The following SLCO4C1 variants were observed in gnomAD, a reference collection of about 807,000 sequenced individuals.
SLCO4C1 encodes the protein organic anion transporter M1.
A neutral mutation model predicts 72.1 loss-of-function variants in SLCO4C1; 58 were observed. The ratio of observed to expected loss-of-function variants is 0.80; its 90% CI spans 0.65 to 1.00. SLCO4C1 has a LOEUF of 1.00. Ranked by LOEUF, SLCO4C1 falls within the 50% of genes least tolerant of loss-of-function variation. SLCO4C1 has a pLI of 0.00. For synonymous variants in SLCO4C1, 297 were observed against 312.5 expected (o/e 0.95, Z 0.52); for missense variants, 898 against 857.9 (o/e 1.05, Z -0.58).
intron 7 of SLCO4C1, 113 bp downstream of exon 7, chr5:102,257,830 G>T: frequency 1.0e-6 from 1 of 965,584 alleles, no homozygotes; most frequent in Non-Finnish European, 1.5e-6. Context: ...ATGTTGGCCG[G>T]GCTGGTTTTA....
intron 2 of SLCO4C1, among the ~76,000 whole-genome samples, chr5:102,273,248 G>C (rs1749186928): frequency 6.6e-6 from 1 of 151,458 alleles, no homozygotes; most frequent in African/African-American, 2.4e-5. Context: ...ATCAAACATA[G>C]GTATAATCAA....
chr5:102,236,124 T>TA lies in SLCO4C1; in HGVS notation c.*733dup, dbSNP rs1166272479. 1 of 152,200 alleles carries TA rather than the reference T, an allele frequency of 6.6e-6. No individual in the cohort carries two copies. Among genetic ancestry groups the TA allele is most frequent in the Admixed American group, 6.5e-5 (1 of 15,276 alleles). The allele number at this position is 152,200 out of a possible 1,614,324, so 9.4% of individuals were successfully genotyped here. A position where few individuals can be genotyped will look rare whatever the true frequency, so the allele number is the denominator to read the frequency against. On this transcript the variant is annotated 3_prime_UTR_variant, in exon 13 of 13. Transcript: ENST00000310954. ...TATTATCACAGAATCATAAATGTGT[T>TA]AAAAATTGTAATATCAACAAATTAC...
chr5:102,277,515 T>C (rs1749267434), intron 2 of SLCO4C1, among the ~76,000 whole-genome samples: 1 of 152,164 alleles, frequency 6.6e-6, no homozygotes, highest in African/African-American at 2.4e-5. Context: ...ACTTCTTCTC[T>C]GTGGTGTCAG....
At chr5:102,273,958 C>T (rs899862450) in intron 2 of SLCO4C1, among the ~76,000 whole-genome samples, 1 of 151,990 alleles carries the variant, frequency 6.6e-6, no homozygotes. Context: ...TGGATTCAAC[C>T]AACCACAGAT....
intron 3 of SLCO4C1, among the ~76,000 whole-genome samples, chr5:102,267,632 C>G (rs534532891): frequency 1.2e-5 from 1 of 81,282 alleles, no homozygotes; most frequent in Non-Finnish European, 2.5e-5. Context: ...CTGTTATAGT[C>G]TTTATTATTT....
intron 2 of SLCO4C1, among the ~76,000 whole-genome samples, chr5:102,286,544 A>G (rs1054219584): frequency 1.3e-5 from 2 of 152,154 alleles, no homozygotes; most frequent in African/African-American, 4.8e-5. Context: ...GTCAAAATGA[A>G]TGTCAAATAT....
At chr5:102,266,703 T>C (rs1749047809) in intron 3 of SLCO4C1, among the ~76,000 whole-genome samples, 1 of 152,132 alleles carries the variant, frequency 6.6e-6, no homozygotes, top group African/African-American at 2.4e-5. Flanking sequence ...TTTCTTGTGC[T>C]TCAGTTCTTA....
chr5:102,239,223 C>A (rs746402640), intron 12 of SLCO4C1, 28 bp downstream of exon 12: 3 of 1,517,050 alleles, frequency 2.0e-6, no homozygotes, highest in Non-Finnish European at 2.6e-6. Flanking sequence ...TTAGTTTACT[C>A]TAAAATTATC....
At chr5:102,277,808 A>G (rs1208013091) in intron 2 of SLCO4C1, among the ~76,000 whole-genome samples, 1 of 152,076 alleles carries the variant, frequency 6.6e-6, no homozygotes. Flanking sequence ...CTATACTTAC[A>G]TACATGTAAT....
chr5:102,265,410 G>T (rs973407796), intron 3 of SLCO4C1, among the ~76,000 whole-genome samples: 2 of 152,112 alleles, frequency 1.3e-5, no homozygotes, highest in African/African-American at 4.8e-5. Flanking sequence ...ATGTACTAAA[G>T]TGTTTCCCCT....
chr5:102,254,355 G>C (rs1047594400), intron 8 of SLCO4C1, among the ~76,000 whole-genome samples: 1 of 152,072 alleles, frequency 6.6e-6, no homozygotes, highest in South Asian at 2.1e-4. Flanking sequence ...CAGAGTACAC[G>C]ATCAGTTTAT....
chr5:102,249,516 C>A, intron 9 of SLCO4C1, 122 bp downstream of exon 9: 2 of 924,856 alleles, frequency 2.2e-6, no homozygotes, highest in South Asian at 1.5e-5. Flanking sequence ...ACATCATGGG[C>A]TGCTTAACGG....
chr5:102,284,680 T>G (rs1206577503), intron 2 of SLCO4C1, among the ~76,000 whole-genome samples: 1 of 152,118 alleles, frequency 6.6e-6, no homozygotes, highest in African/African-American at 2.4e-5. Context: ...ATTTTTAACA[T>G]ATTCCTAATG....
At chr5:102,295,791 T>A in intron 1 of SLCO4C1, 117 bp downstream of exon 1, 8 of 1,057,706 alleles carry the variant, frequency 7.6e-6, no homozygotes. Context: ...CGGGGCCACC[T>A]TGCAGGGCGC....
chr5:102,246,225 T>C (rs1368754126), intron 10 of SLCO4C1, among the ~76,000 whole-genome samples: 1 of 151,586 alleles, frequency 6.6e-6, no homozygotes, highest in East Asian at 1.9e-4. Context: ...ATACCAATGA[T>C]CAATGAAAAA....
intron 8 of SLCO4C1, among the ~76,000 whole-genome samples, chr5:102,250,707 AG>A: frequency 6.6e-6 from 1 of 152,118 alleles, no homozygotes; most frequent in Non-Finnish European, 1.5e-5. Context: ...AATGAGTAAG[AG>A]GCTGGTGCGG....
chr5:102,254,402 A>G (rs1233282005), intron 8 of SLCO4C1, among the ~76,000 whole-genome samples: 1 of 152,176 alleles, frequency 6.6e-6, no homozygotes, highest in Non-Finnish European at 1.5e-5. Context: ...CAAAATTTCA[A>G]ACTTTTTCAT....
chr5:102,262,450 T>C (rs1748960157), intron 4 of SLCO4C1, among the ~76,000 whole-genome samples: 1 of 152,120 alleles, frequency 6.6e-6, no homozygotes, highest in African/African-American at 2.4e-5. Flanking sequence ...TAATGTAAAA[T>C]TAGTCTTAAA....
intron 2 of SLCO4C1, among the ~76,000 whole-genome samples, chr5:102,285,212 T>TACAC (rs3070619): frequency 0.35 from 51,464 of 147,608 alleles, 9,064 homozygotes; most frequent in East Asian, 0.54. Flanking sequence ...TATATATACA[T>TACAC]ACACACACAC....
Sources: gnomAD v4.1 joint callset for allele counts (sites outside exome capture counted in the v4.1 genomes callset) on GRCh38, gnomAD v4.1.1 for gene constraint, MANE v1.5 for transcripts, NCBI Gene and HGNC (gene_info 2026-07-23, HGNC 2026-07-21) for gene names.